Variants in ENTREP2 observed in about 807,000 individuals in gnomAD.
ENTREP2 encodes the protein protein ENTREP2.
the ENTREP2 span, among the ~76,000 whole-genome samples, chr15:29,445,592 G>C: frequency 5.3e-5 from 8 of 152,160 alleles, no homozygotes; most frequent in African/African-American, 1.9e-4. Context: ...CCCAGAGAAA[G>C]CTCCACACCC....
the ENTREP2 span, among the ~76,000 whole-genome samples, chr15:29,424,972 A>T: frequency 6.6e-6 from 1 of 152,128 alleles, no homozygotes; most frequent in African/African-American, 2.4e-5. Flanking sequence ...CAGATGACAG[A>T]TCTGCAAACA....
chr15:29,461,703 G>A, the ENTREP2 span, among the ~76,000 whole-genome samples: 2 of 152,094 alleles, frequency 1.3e-5, no homozygotes, highest in African/African-American at 2.4e-5. Flanking sequence ...TGGAACTCTC[G>A]ACCTTGTGAT....
the ENTREP2 span, among the ~76,000 whole-genome samples, chr15:29,651,478 C>T: frequency 2.0e-5 from 3 of 152,226 alleles, no homozygotes; most frequent in Non-Finnish European, 1.5e-5. Context: ...GCCTCCCATT[C>T]TCAGAGTGGG....
chr15:29,332,874 G>A, the ENTREP2 span, among the ~76,000 whole-genome samples: 19 of 150,456 alleles, frequency 1.3e-4, no homozygotes, highest in Non-Finnish European at 2.5e-4. Context: ...CAGCAGAATC[G>A]CTTGAACCCA....
chr15:29,315,415 C>T, the ENTREP2 span, among the ~76,000 whole-genome samples: 29 of 152,244 alleles, frequency 1.9e-4, no homozygotes, highest in South Asian at 5.8e-3. Context: ...ACACATTTGT[C>T]TATGGTAATT....
chr15:29,616,424 G>A, the ENTREP2 span, among the ~76,000 whole-genome samples: 2 of 152,080 alleles, frequency 1.3e-5, no homozygotes, highest in Non-Finnish European at 2.9e-5. Context: ...CTCAGAGGTG[G>A]ATTTTTTTCC....
chr15:29,429,350 T>C, the ENTREP2 span, among the ~76,000 whole-genome samples: 1 of 152,166 alleles, frequency 6.6e-6, no homozygotes, highest in African/African-American at 2.4e-5. Context: ...GCCCCACAAG[T>C]AGCTGGGACC....
chr15:29,261,037 A>G, the ENTREP2 span, among the ~76,000 whole-genome samples: 1 of 152,186 alleles, frequency 6.6e-6, no homozygotes, highest in Non-Finnish European at 1.5e-5. Context: ...AGATTACGCA[A>G]TAAAAATAGA....
the ENTREP2 span, among the ~76,000 whole-genome samples, chr15:29,485,894 C>T: frequency 6.6e-6 from 1 of 152,268 alleles, no homozygotes; most frequent in South Asian, 2.1e-4. Context: ...AAAGGGAACT[C>T]TTATACACTG....
At chr15:29,139,834 T>C in the ENTREP2 span, among the ~76,000 whole-genome samples, 2 of 152,164 alleles carry the variant, frequency 1.3e-5, no homozygotes, top group Non-Finnish European at 2.9e-5. Flanking sequence ...TCCCCTCTCT[T>C]CCCCACCATC....
the ENTREP2 span, among the ~76,000 whole-genome samples, chr15:29,351,347 G>T: frequency 3.9e-5 from 6 of 152,288 alleles, no homozygotes; most frequent in Middle Eastern, 0.01. Context: ...GACCATTATA[G>T]ACATCATTAT....
At chr15:29,458,977 A>G in the ENTREP2 span, among the ~76,000 whole-genome samples, 4 of 152,202 alleles carry the variant, frequency 2.6e-5, no homozygotes, top group Admixed American at 6.5e-5. Flanking sequence ...TGATTCCCAC[A>G]TGTTCCCAGG....
chr15:29,643,527 A>G, the ENTREP2 span, among the ~76,000 whole-genome samples: 1 of 152,198 alleles, frequency 6.6e-6, no homozygotes, highest in African/African-American at 2.4e-5. Context: ...TCACGCCTGT[A>G]ATCCCAGCAC....
the ENTREP2 span, among the ~76,000 whole-genome samples, chr15:29,607,346 G>A: frequency 0.015 from 2,011 of 131,286 alleles, 53 homozygotes; most frequent in African/African-American, 0.056. Flanking sequence ...TATGTCTCTC[G>A]AGGCATTACC....
chr15:29,576,385 T>C, the ENTREP2 span, among the ~76,000 whole-genome samples: 28 of 152,336 alleles, frequency 1.8e-4, no homozygotes, highest in South Asian at 2.7e-3. Flanking sequence ...GAAGAAAACA[T>C]AGGCATAAAC....
the ENTREP2 span, chr15:29,269,324 TG>T: frequency 6.2e-7 from 1 of 1,614,196 alleles, no homozygotes; most frequent in Non-Finnish European, 8.5e-7. Context: ...GCGGCCCGTT[TG>T]AAGAGGTCGG....
chr15:29,627,027 T>C, the ENTREP2 span, among the ~76,000 whole-genome samples: 223 of 152,310 alleles, frequency 1.5e-3, 1 homozygote, highest in Middle Eastern at 0.01. Context: ...CTTCTTTTCC[T>C]GGTTTCCTGG....
At chr15:29,419,032 A>C in the ENTREP2 span, among the ~76,000 whole-genome samples, 3 of 152,258 alleles carry the variant, frequency 2.0e-5, no homozygotes, top group African/African-American at 7.2e-5. Flanking sequence ...AGGGGCTGTG[A>C]CAAATATAGA....
At chr15:29,529,891 G>C in the ENTREP2 span, among the ~76,000 whole-genome samples, 1 of 152,162 alleles carries the variant, frequency 6.6e-6, no homozygotes, top group Non-Finnish European at 1.5e-5. Flanking sequence ...CCGAAGGTCA[G>C]AGAAGTTAAG....
Sources: gnomAD v4.1 joint callset for allele counts (sites outside exome capture counted in the v4.1 genomes callset) on GRCh38, gnomAD v4.1.1 for gene constraint, MANE v1.5 for transcripts, NCBI Gene and HGNC (gene_info 2026-07-23, HGNC 2026-07-21) for gene names.